Variants in CREB5 observed in about 807,000 individuals in gnomAD.
CREB5 encodes cAMP responsive element binding protein 5.
CREB5 carries 19 observed loss-of-function variants against 57.1 expected under a neutral mutation model. The observed-to-expected ratio is 0.33, with a 90% CI of 0.23 to 0.49. CREB5 has a LOEUF of 0.49. Ranked by LOEUF, CREB5 falls within the 20% of genes least tolerant of loss-of-function variation. The pLI is 0.99. For synonymous variants in CREB5, 238 were observed against 238.3 expected (o/e 1.00, Z 0.01); for missense variants, 579 against 671.6 (o/e 0.86, Z 1.52).
intron 10 of CREB5, chr7:28,818,779 T>C (rs1356832696): frequency 4.2e-6 from 2 of 478,012 alleles, no homozygotes; most frequent in South Asian, 3.1e-5. Context: ...ACACAGATTC[T>C]CCCACCACAT....
At chr7:28,697,710 G>T (rs556561445) in intron 5 of CREB5, among the ~76,000 whole-genome samples, 1 of 152,328 alleles carries the variant, frequency 6.6e-6, no homozygotes, top group East Asian at 1.9e-4. Flanking sequence ...GATTTTTGCT[G>T]TAGGACCATC....
At chr7:28,800,486 C>T (rs1183427053) in intron 7 of CREB5, among the ~76,000 whole-genome samples, 3 of 152,196 alleles carry the variant, frequency 2.0e-5, no homozygotes, top group African/African-American at 7.2e-5. Context: ...GAGCATTAGA[C>T]AGACTTACAA....
At chr7:28,398,493 C>A (rs1787382298) in intron 1 of CREB5, among the ~76,000 whole-genome samples, 1 of 152,160 alleles carries the variant, frequency 6.6e-6, no homozygotes, top group Non-Finnish European at 1.5e-5. Context: ...TATCCCATAT[C>A]AATGGAATCA....
intron 1 of CREB5, among the ~76,000 whole-genome samples, chr7:28,449,645 A>G (rs1475940350): frequency 6.6e-6 from 1 of 152,244 alleles, no homozygotes; most frequent in Non-Finnish European, 1.5e-5. Flanking sequence ...AGTAAATTGC[A>G]TTCATAATTA....
intron 7 of CREB5, among the ~76,000 whole-genome samples, chr7:28,736,572 C>G (rs1413215440): frequency 6.6e-6 from 1 of 152,148 alleles, no homozygotes; most frequent in Non-Finnish European, 1.5e-5. Flanking sequence ...AACTGACGTA[C>G]AGGGGACAGT....
intron 1 of CREB5, among the ~76,000 whole-genome samples, chr7:28,459,433 T>A (rs1458890927): frequency 6.6e-6 from 1 of 152,138 alleles, no homozygotes; most frequent in African/African-American, 2.4e-5. Context: ...CGTTGTCAGA[T>A]TAGAGTCATG....
At position 28,486,277 on chromosome 7, in the gene CREB5, C is replaced by T. The variant is rs563382699; in HGVS notation, c.4-1898C>T. On this transcript the variant is annotated intron_variant, in intron 1 of 10. Coordinates refer to ENST00000357727, the MANE Select transcript of CREB5 (RefSeq NM_182898.4). ...AAGTGAAAGTATATATATATTTTCC[C>T]GAAGAATATTGTCAAAAACATTAGT... Among the ~76,000 whole-genome samples the T allele has an allele frequency of 1.3e-4, 20 of 152,044 alleles. No individual in the cohort carries two copies. In the Middle Eastern group the frequency reaches 0.01, roughly 78 times the overall value.
intron 4 of CREB5, among the ~76,000 whole-genome samples, chr7:28,553,397 G>A (rs186577372): frequency 6.6e-4 from 101 of 152,214 alleles, no homozygotes; most frequent in Non-Finnish European, 1.8e-4. Flanking sequence ...TCTTTCATTA[G>A]CCAACATAAC....
At chr7:28,817,428 T>C (rs1562662353) in intron 9 of CREB5, among the ~76,000 whole-genome samples, 1 of 152,184 alleles carries the variant, frequency 6.6e-6, no homozygotes, top group Non-Finnish European at 1.5e-5. Flanking sequence ...TTTCAGATAT[T>C]CTTTTTAGAT....
chr7:28,410,721 G>A, upstream of CREB5: 1 of 373,676 alleles, frequency 2.7e-6, no homozygotes, highest in Non-Finnish European at 5.3e-6. Flanking sequence ...TCTGACATGT[G>A]TCAAGGAATA....
At chr7:28,725,272 G>A (rs1803268989) in intron 7 of CREB5, among the ~76,000 whole-genome samples, 1 of 152,128 alleles carries the variant, frequency 6.6e-6, no homozygotes, top group African/African-American at 2.4e-5. Context: ...TCCTGTGCAG[G>A]GTGGAGTCAG....
At chr7:28,673,480 T>C (rs529459504) in intron 5 of CREB5, among the ~76,000 whole-genome samples, 12 of 152,282 alleles carry the variant, frequency 7.9e-5, no homozygotes, top group African/African-American at 2.6e-4. Context: ...TAATAAGGTG[T>C]ATTGCTTTAA....
chr7:28,779,377 ACT>A (rs1399059275), intron 7 of CREB5: 1 of 152,236 alleles, frequency 6.6e-6, no homozygotes, highest in Non-Finnish European at 1.5e-5. Context: ...ATATTTATCA[ACT>A]GGAATTTTTG....
chr7:28,339,741 C>A (rs530685475), intron 1 of CREB5, among the ~76,000 whole-genome samples: 3 of 152,286 alleles, frequency 2.0e-5, no homozygotes, highest in African/African-American at 7.2e-5. Flanking sequence ...TTCTCCTGGC[C>A]CCAGGCTGGT....
chr7:28,518,796 A>G (rs1364122185), intron 4 of CREB5, among the ~76,000 whole-genome samples: 1 of 152,042 alleles, frequency 6.6e-6, no homozygotes, highest in Non-Finnish European at 1.5e-5. Context: ...CACTCCCCCC[A>G]TGTGGATTGT....
chr7:28,384,346 CA>C (rs1366478782), intron 1 of CREB5, among the ~76,000 whole-genome samples: 1 of 152,188 alleles, frequency 6.6e-6, no homozygotes, highest in African/African-American at 2.4e-5. Flanking sequence ...GACAGCTTTA[CA>C]ACTGTCTTTT....
At chr7:28,720,234 G>A (rs762242396) in intron 6 of CREB5, among the ~76,000 whole-genome samples, 1 of 152,186 alleles carries the variant, frequency 6.6e-6, no homozygotes, top group Non-Finnish European at 1.5e-5. Context: ...AGCCCTAGAG[G>A]CAGTGTAACA....
At chr7:28,350,041 G>T (rs966496592) in intron 1 of CREB5, among the ~76,000 whole-genome samples, 10 of 152,178 alleles carry the variant, frequency 6.6e-5, no homozygotes, top group Non-Finnish European at 1.2e-4. Context: ...TAAACAGGAA[G>T]GTTAGCACCT....
At chr7:28,726,381 G>C (rs1226139060) in intron 7 of CREB5, among the ~76,000 whole-genome samples, 1 of 152,128 alleles carries the variant, frequency 6.6e-6, no homozygotes, top group Non-Finnish European at 1.5e-5. Flanking sequence ...AAGTGAATTT[G>C]AATATGTCAC....
Sources: allele counts gnomAD v4.1 joint callset (sites outside exome capture counted in the v4.1 genomes callset), GRCh38; gene constraint gnomAD v4.1.1; transcripts MANE v1.5; gene names NCBI Gene and HGNC (gene_info 2026-07-23, HGNC 2026-07-21).